Variants in ITPR2 observed in about 807,000 individuals in gnomAD.
The protein encoded by ITPR2 is inositol 1,4,5-trisphosphate-gated calcium channel ITPR2.
ITPR2 carries 207 observed loss-of-function variants against 317.1 expected under a neutral mutation model. The ratio of observed to expected loss-of-function variants is 0.65; its 90% CI spans 0.58 to 0.73. ITPR2 has a LOEUF of 0.73. ITPR2 is among the 30% of genes least tolerant of loss of function. The pLI, the probability that ITPR2 is intolerant of heterozygous loss-of-function variation, is 0.00. For missense variants in ITPR2, 2,613 were observed against 3,284.0 expected (o/e 0.80, Z 4.99); for synonymous variants, 1,156 against 1,149.1 (o/e 1.01, Z -0.12).
chr12:26,783,000 AT>A (rs1950123692), intron 2 of ITPR2, among the ~76,000 whole-genome samples: 1 of 152,262 alleles, frequency 6.6e-6, no homozygotes, highest in South Asian at 2.1e-4. Flanking sequence ...ACACACTTTC[AT>A]TTATACACAT....
intron 37 of ITPR2, among the ~76,000 whole-genome samples, chr12:26,530,227 G>A (rs1211229935): frequency 1.3e-5 from 2 of 152,110 alleles, no homozygotes; most frequent in Non-Finnish European, 2.9e-5. Context: ...GGGCCCCAAT[G>A]TCCCAGACCA....
intron 4 of ITPR2, 27 bp downstream of exon 4, chr12:26,724,629 T>C (rs1274208578): frequency 1.4e-6 from 2 of 1,389,752 alleles, no homozygotes; most frequent in Non-Finnish European, 1.0e-6. Flanking sequence ...CATAAAATAC[T>C]CACCTCGTTT....
chr12:26,404,048 T>C (rs1469758236), intron 52 of ITPR2, among the ~76,000 whole-genome samples: 2 of 152,050 alleles, frequency 1.3e-5, no homozygotes, highest in Non-Finnish European at 2.9e-5. Context: ...CTAGTGGTGA[T>C]ATACTGGGTG....
At chr12:26,347,271 T>C (rs1938340053) in intron 55 of ITPR2, among the ~76,000 whole-genome samples, 1 of 152,258 alleles carries the variant, frequency 6.6e-6, no homozygotes, top group Non-Finnish European at 1.5e-5. Flanking sequence ...TTGGCTTATG[T>C]TAGGCGAACA....
chr12:26,411,976 T>C (rs1316508288), intron 51 of ITPR2, among the ~76,000 whole-genome samples: 1 of 152,228 alleles, frequency 6.6e-6, no homozygotes, highest in African/African-American at 2.4e-5. Context: ...GCTCACCACC[T>C]ATTTCCCTGA....
intron 21 of ITPR2, 40 bp from the exon 22 acceptor site, chr12:26,632,099 C>T: frequency 6.9e-7 from 1 of 1,459,680 alleles, no homozygotes; most frequent in Non-Finnish European, 9.1e-7. Flanking sequence ...CACACAACCC[C>T]TGGAGATCAT....
intron 55 of ITPR2, among the ~76,000 whole-genome samples, chr12:26,355,517 T>A (rs12823720): frequency 0.22 from 33,852 of 152,102 alleles, 3,908 homozygotes; most frequent in Middle Eastern, 0.35. Context: ...TTTGAGATAT[T>A]ATCTACTGGG....
chr12:26,417,178 A>G (rs1352084272), intron 50 of ITPR2, among the ~76,000 whole-genome samples: 1 of 152,184 alleles, frequency 6.6e-6, no homozygotes, highest in Non-Finnish European at 1.5e-5. Context: ...GATATCATGT[A>G]TACCACAATT....
intron 22 of ITPR2, among the ~76,000 whole-genome samples, chr12:26,629,949 G>A (rs1352945175): frequency 6.6e-6 from 1 of 152,148 alleles, no homozygotes; most frequent in African/African-American, 2.4e-5. Context: ...GTCTAGAGGG[G>A]AAAACAAACA....
chr12:26,547,621 TTCA>T (rs1355584548), intron 37 of ITPR2, among the ~76,000 whole-genome samples: 2 of 152,250 alleles, frequency 1.3e-5, no homozygotes, highest in Non-Finnish European at 2.9e-5. Context: ...TGCAACATTA[TTCA>T]CCACAGCAAA....
At position 26,715,948 on chromosome 12, in the gene ITPR2, A is replaced by G. The variant is rs1948732545; in HGVS notation, c.625-113T>C. The stretch of plus-strand genomic sequence containing the variant: ...AAGACAATTTTGGATAATGAAGTAT[A>G]TAGCTCAATACAAGTATCTTTGAGA... On this transcript the variant is annotated intron_variant, in intron 6 of 56. Transcript: ENST00000381340. 4 of 807,554 alleles carry G rather than the reference A, an allele frequency of 5.0e-6. No homozygotes were observed. In the African/African-American group the frequency reaches 6.8e-5, roughly 14 times the overall value. 50.0% of individuals were successfully genotyped at this position (807,554 alleles called of 1,614,324 possible). A position where few individuals can be genotyped will look rare whatever the true frequency, so the allele number is the denominator to read the frequency against.
At chr12:26,457,628 G>T (rs192082060) in intron 45 of ITPR2, among the ~76,000 whole-genome samples, 1 of 152,280 alleles carries the variant, frequency 6.6e-6, no homozygotes, top group East Asian at 1.9e-4. Context: ...GGACCAGGTG[G>T]TATTGAAGGA....
intron 13 of ITPR2, among the ~76,000 whole-genome samples, chr12:26,674,451 T>A (rs920151954): frequency 3.3e-5 from 5 of 152,194 alleles, no homozygotes; most frequent in Admixed American, 3.3e-4. Flanking sequence ...GGGAAAAGGA[T>A]TCCCTATTTA....
intron 47 of ITPR2, among the ~76,000 whole-genome samples, chr12:26,438,812 C>T (rs979209535): frequency 3.3e-5 from 5 of 152,196 alleles, no homozygotes; most frequent in Admixed American, 1.3e-4. Flanking sequence ...GGCCCATTCA[C>T]GGACTTCAAA....
At chr12:26,743,664 G>A (rs370415038) in intron 2 of ITPR2, among the ~76,000 whole-genome samples, 1 of 152,020 alleles carries the variant, frequency 6.6e-6, no homozygotes, top group African/African-American at 2.4e-5. Flanking sequence ...AGGCCGAGGC[G>A]GGGGGATCAC....
chr12:26,606,049 A>G (rs2136758159), intron 26 of ITPR2, among the ~76,000 whole-genome samples: 1 of 152,348 alleles, frequency 6.6e-6, no homozygotes, highest in South Asian at 2.1e-4. Flanking sequence ...GTCTTATACA[A>G]TGCTTTACAT....
At chr12:26,441,348 T>C (rs1941484220) in intron 46 of ITPR2, among the ~76,000 whole-genome samples, 1 of 152,112 alleles carries the variant, frequency 6.6e-6, no homozygotes, top group South Asian at 2.1e-4. Flanking sequence ...AAACTATTAT[T>C]CTCAATAACA....
At chr12:26,406,022 T>C (rs1371116800) in intron 52 of ITPR2, among the ~76,000 whole-genome samples, 1 of 152,084 alleles carries the variant, frequency 6.6e-6, no homozygotes, top group Non-Finnish European at 1.5e-5. Flanking sequence ...TTATAATCAA[T>C]TCATTGGTGG....
intron 34 of ITPR2, among the ~76,000 whole-genome samples, chr12:26,571,829 T>A (rs1555158718): frequency 1.3e-5 from 2 of 152,258 alleles, no homozygotes; most frequent in Non-Finnish European, 2.9e-5. Context: ...AACACTGACT[T>A]AGAGAGTGCT....
Sources: allele counts gnomAD v4.1 joint callset (sites outside exome capture counted in the v4.1 genomes callset), GRCh38; gene constraint gnomAD v4.1.1; transcripts MANE v1.5; gene names NCBI Gene and HGNC (gene_info 2026-07-23, HGNC 2026-07-21).